CACNA2D1: variants seen among roughly 807,000 people sequenced by gnomAD.
The protein encoded by CACNA2D1 is voltage-dependent calcium channel subunit alpha-2/delta-1.
In CACNA2D1, 53 loss-of-function variants were observed where a neutral mutation model predicts 171.5. The ratio of observed to expected loss-of-function variants is 0.31; its 90% confidence interval spans 0.25 to 0.39. CACNA2D1 has a LOEUF of 0.39. Ranked by LOEUF, CACNA2D1 falls within the 10% of genes least tolerant of loss-of-function variation. CACNA2D1 has a pLI of 1.00. For missense variants in CACNA2D1, 903 were observed against 1,299.8 expected (o/e 0.69, Z 4.69); for synonymous variants, 442 against 443.1 (o/e 1.00, Z 0.03).
chr7:82,411,818 TA>T (rs897170124), intron 1 of CACNA2D1, among the ~76,000 whole-genome samples: 5 of 147,710 alleles, frequency 3.4e-5, no homozygotes, highest in Admixed American at 6.9e-5. Flanking sequence ...TGCTGAGAAG[TA>T]AAAAAAAAAT....
intron 5 of CACNA2D1, among the ~76,000 whole-genome samples, chr7:82,122,732 C>G (rs1005365960): frequency 4.6e-5 from 7 of 152,118 alleles, no homozygotes; most frequent in Non-Finnish European, 7.4e-5. Flanking sequence ...TTTACAGAGT[C>G]TGAAAGTTCA....
intron 3 of CACNA2D1, among the ~76,000 whole-genome samples, chr7:82,301,041 G>T (rs1253885558): frequency 1.3e-5 from 2 of 152,152 alleles, no homozygotes; most frequent in African/African-American, 4.8e-5. Context: ...ACATATTACA[G>T]TTTCATTGAA....
rs3839798 is a variant in CACNA2D1 at position 82,150,422 on chromosome 7, TAAA to T, written c.355-13749_355-13747del. Among the ~76,000 whole-genome samples the T allele has an allele frequency of 6.4e-5, 9 of 140,724 alleles. No homozygotes were observed. In the East Asian group the frequency reaches 1.0e-3, roughly 16 times the overall value. The allele number at this position is 140,724 out of a possible 152,430, so 92.3% of individuals were successfully genotyped here. A position where few individuals can be genotyped will look rare whatever the true frequency, so the allele number is the denominator to read the frequency against. ...CTGAAAACAAAGCAAAGCTTTCCCT[TAAA>T]AAAAAAAAAAAAAATTGAAATCTCT... On this transcript the variant is annotated intron_variant, in intron 4 of 38. Coordinates refer to ENST00000356860, the MANE Select transcript of CACNA2D1 (RefSeq NM_000722.4).
intron 1 of CACNA2D1, among the ~76,000 whole-genome samples, chr7:82,440,587 G>C (rs903561081): frequency 1.3e-5 from 2 of 151,716 alleles, no homozygotes; most frequent in Non-Finnish European, 3.0e-5. Context: ...ATTTCCAAAA[G>C]AAACACCTAA....
intron 6 of CACNA2D1, among the ~76,000 whole-genome samples, chr7:82,107,413 C>A (rs74484242): frequency 0.081 from 12,358 of 152,096 alleles, 594 homozygotes; most frequent in South Asian, 0.16. Context: ...AACGACTAAC[C>A]ATCCTTGTTC....
chr7:82,299,909 C>T (rs886202457), intron 3 of CACNA2D1, among the ~76,000 whole-genome samples: 1 of 152,098 alleles, frequency 6.6e-6, no homozygotes, highest in African/African-American at 2.4e-5. Flanking sequence ...AGAACACCCA[C>T]TATATATCAG....
At chr7:82,071,289 A>C (rs552329603) in intron 7 of CACNA2D1, among the ~76,000 whole-genome samples, 1 of 152,260 alleles carries the variant, frequency 6.6e-6, no homozygotes, top group South Asian at 2.1e-4. Context: ...TGAGCTAACC[A>C]AGAAACGTAG....
intron 27 of CACNA2D1, 97 bp downstream of exon 27, chr7:81,970,578 G>A: frequency 1.3e-6 from 1 of 772,498 alleles, no homozygotes; most frequent in African/African-American, 1.7e-5. Flanking sequence ...ATGGCAATCA[G>A]TTTATTTGAA....
intron 1 of CACNA2D1, among the ~76,000 whole-genome samples, chr7:82,422,995 T>G (rs1238792643): frequency 6.6e-6 from 1 of 152,168 alleles, no homozygotes; most frequent in African/African-American, 2.4e-5. Context: ...ATTTGCTAAC[T>G]GAACATCTGA....
chr7:82,158,988 T>G (rs1040582447), intron 4 of CACNA2D1, among the ~76,000 whole-genome samples: 2 of 151,942 alleles, frequency 1.3e-5, no homozygotes, highest in Non-Finnish European at 2.9e-5. Flanking sequence ...GAGTATTTTC[T>G]GCTCTCTGTA....
At chr7:82,153,610 A>C (rs1374612397) in intron 4 of CACNA2D1, among the ~76,000 whole-genome samples, 1 of 152,140 alleles carries the variant, frequency 6.6e-6, no homozygotes, top group Non-Finnish European at 1.5e-5. Flanking sequence ...TTTATTTGTG[A>C]CAATCATCAT....
chr7:82,271,919 C>T (rs961968396), intron 3 of CACNA2D1, among the ~76,000 whole-genome samples: 5 of 70,154 alleles, frequency 7.1e-5, no homozygotes, highest in African/African-American at 5.1e-4. Context: ...CTCTAATAAT[C>T]ACTTTCTTCT....
intron 7 of CACNA2D1, among the ~76,000 whole-genome samples, chr7:82,083,567 T>A (rs1490213104): frequency 6.6e-6 from 1 of 152,130 alleles, no homozygotes; most frequent in African/African-American, 2.4e-5. Flanking sequence ...AATTCCACTA[T>A]TATAATGATA....
At chr7:82,170,990 A>G (rs1377832995) in intron 3 of CACNA2D1, among the ~76,000 whole-genome samples, 1 of 152,014 alleles carries the variant, frequency 6.6e-6, no homozygotes, top group African/African-American at 2.4e-5. Context: ...ATTTCTCTTA[A>G]AAAATGACAT....
At chr7:81,951,194 T>C (rs1325738069) in intron 38 of CACNA2D1, among the ~76,000 whole-genome samples, 1 of 152,088 alleles carries the variant, frequency 6.6e-6, no homozygotes, top group Non-Finnish European at 1.5e-5. Flanking sequence ...TATACTCCCA[T>C]TAACTCCCCA....
chr7:81,999,823 T>C (rs1207776173), intron 18 of CACNA2D1, among the ~76,000 whole-genome samples: 1 of 152,182 alleles, frequency 6.6e-6, no homozygotes, highest in Non-Finnish European at 1.5e-5. Context: ...TTTTAAACTT[T>C]ATAGGAATTA....
chr7:82,102,959 C>A lies in CACNA2D1; in HGVS notation c.526+14085G>T, dbSNP rs149089931. Among the ~76,000 whole-genome samples, 604 of 152,214 alleles carry A rather than the reference C, an allele frequency of 4.0e-3. 2 individuals are homozygous for A. The highest frequency in any genetic ancestry group is 0.013 in the African/African-American group (538 of 41,526). On this transcript the variant is annotated intron_variant, in intron 6 of 38. Coordinates refer to ENST00000356860, the MANE Select transcript of CACNA2D1 (RefSeq NM_000722.4). ...ATTTTTAACTTCATTACAGACATAA[C>A]CTATATACTAGAAAATCCGTGACTT...
intron 10 of CACNA2D1, among the ~76,000 whole-genome samples, chr7:82,038,689 T>C (rs1465077796): frequency 6.6e-6 from 1 of 152,174 alleles, no homozygotes; most frequent in Non-Finnish European, 1.5e-5. Context: ...TGAATCAATG[T>C]TTAGTCATTT....
chr7:82,335,502 C>A (rs1307891898), intron 2 of CACNA2D1, among the ~76,000 whole-genome samples: 2 of 152,074 alleles, frequency 1.3e-5, no homozygotes, highest in Non-Finnish European at 2.9e-5. Flanking sequence ...GTGGTTTGTA[C>A]ATGCAATTTT....
Sources: allele counts gnomAD v4.1 joint callset (sites outside exome capture counted in the v4.1 genomes callset), GRCh38; gene constraint gnomAD v4.1.1; transcripts MANE v1.5; gene names NCBI Gene and HGNC (gene_info 2026-07-23, HGNC 2026-07-21).